The following DPYD variants were observed in gnomAD, a reference collection of about 807,000 sequenced individuals.
DPYD encodes the protein dihydropyrimidine dehydrogenase.
DPYD carries 109 observed loss-of-function variants against 116.2 expected under a neutral mutation model. That is an observed-to-expected ratio of 0.94 (90% CI 0.80 to 1.10). The LOEUF (loss-of-function observed/expected upper bound fraction) is 1.10, where lower values mean the gene tolerates loss of function less well. DPYD is among the 50% of genes least tolerant of loss of function. The pLI, the probability that DPYD is intolerant of heterozygous loss-of-function variation, is 0.00. For synonymous variants in DPYD, 440 were observed against 432.0 expected, an observed-to-expected ratio of 1.02 and a Z score of -0.23; for missense variants, 1,302 against 1,254.5, an observed-to-expected ratio of 1.04 and a Z score of -0.57.
intron 2 of DPYD, among the ~76,000 whole-genome samples, chr1:97,845,128 G>A (rs1051316586): frequency 2.6e-5 from 4 of 152,304 alleles, no homozygotes; most frequent in African/African-American, 9.6e-5. Flanking sequence ...GCAATACGCA[G>A]ACAGCCTCAA....
chr1:97,751,429 C>CGTGTGTGTGTGT (rs564067118), intron 3 of DPYD, among the ~76,000 whole-genome samples: 7 of 53,064 alleles, frequency 1.3e-4, no homozygotes, highest in Non-Finnish European at 2.3e-4. Context: ...TATATGTATA[C>CGTGTGTGTGTGT]GTGTGTGTGT....
At chr1:97,631,044 A>G (rs541427445) in intron 8 of DPYD, among the ~76,000 whole-genome samples, 1 of 152,270 alleles carries the variant, frequency 6.6e-6, no homozygotes, top group East Asian at 1.9e-4. Context: ...CAACAAAAAC[A>G]TAAGCACGTA....
At position 97,318,419 on chromosome 1, in the gene DPYD, G is replaced by A. The variant is rs572328592; in HGVS notation, c.2059-12122C>T. ...AGCAAATGGAAAAGAAAAAAAGGCA[G>A]GGGTTGCAATCCTAGTCTCTGATAA... On this transcript the variant is annotated intron_variant, in intron 16 of 22. Transcript: ENST00000370192. 1.1e-4 allele frequency among the ~76,000 whole-genome samples: 16 copies of A among 148,090 alleles called. No homozygotes were observed. In the East Asian group the frequency reaches 1.2e-3, roughly 11 times the overall value.
In DPYD at chr1:97,078,077, T is replaced by C. The variant is rs1447444925; in HGVS notation, c.*899A>G. On this transcript the variant is annotated 3_prime_UTR_variant, in exon 23 of 23. Coordinates refer to ENST00000370192, the MANE Select transcript of DPYD (RefSeq NM_000110.4). ...AGTCAAACTGATTTGGCACACTTAA[T>C]ATATATTATCAACATTATATTTTTC... 1 of 152,210 alleles carries C rather than the reference T, an allele frequency of 6.6e-6. No homozygotes were observed. Among genetic ancestry groups the C allele is most frequent in the Non-Finnish European group, 1.5e-5 (1 of 68,024 alleles). The allele number at this position is 152,210 out of a possible 1,614,324, so 9.4% of individuals were successfully genotyped here.
chr1:97,573,690 A>C (rs1328328117), intron 11 of DPYD, 70 bp downstream of exon 11: 1 of 1,583,852 alleles, frequency 6.3e-7, no homozygotes, highest in Non-Finnish European at 8.7e-7. Flanking sequence ...AATTCCCTGA[A>C]AGCTAGAAAC....
intron 12 of DPYD, among the ~76,000 whole-genome samples, chr1:97,542,978 T>C (rs998085886): frequency 6.6e-6 from 1 of 152,174 alleles, no homozygotes; most frequent in African/African-American, 2.4e-5. Flanking sequence ...GTTTTAACAA[T>C]ACAAGGTGAA....
At chr1:97,306,142 C>T (rs1553251898) in intron 17 of DPYD, 35 bp downstream of exon 17, 9 of 1,611,316 alleles carry the variant, frequency 5.6e-6, no homozygotes, top group Admixed American at 1.7e-5. Context: ...CCAATATTTA[C>T]AATAGCGGGC....
At chr1:97,600,633 C>G (rs1655190770) in intron 8 of DPYD, among the ~76,000 whole-genome samples, 1 of 152,108 alleles carries the variant, frequency 6.6e-6, no homozygotes, top group African/African-American at 2.4e-5. Flanking sequence ...TTCTGGGCAA[C>G]AGCTTCCTCA....
chr1:97,751,460 G>GTATATATATATATATATATATATA (rs1553233231), intron 3 of DPYD, among the ~76,000 whole-genome samples: 2 of 21,272 alleles, frequency 9.4e-5, no homozygotes, highest in African/African-American at 1.7e-4. Flanking sequence ...GTGTGTGTGT[G>GTATATATATATATATATATATATA]TATATATATA....
At chr1:97,416,600 T>C (rs969619607) in intron 14 of DPYD, among the ~76,000 whole-genome samples, 1 of 152,214 alleles carries the variant, frequency 6.6e-6, no homozygotes, top group Non-Finnish European at 1.5e-5. Flanking sequence ...AGTATTTCTG[T>C]GGTAGTCAGC....
intron 3 of DPYD, among the ~76,000 whole-genome samples, chr1:97,751,570 C>G (rs1257181572): frequency 7.0e-6 from 1 of 143,332 alleles, no homozygotes; most frequent in African/African-American, 2.6e-5. Flanking sequence ...TCCATATCAG[C>G]CTGGGCAACA....
chr1:97,260,260 T>C (rs541125343), intron 18 of DPYD, among the ~76,000 whole-genome samples: 6 of 152,132 alleles, frequency 3.9e-5, no homozygotes, highest in Non-Finnish European at 7.4e-5. Flanking sequence ...CTTCTTGTTA[T>C]AAAAGAATAC....
chr1:97,353,712 G>A (rs536396580), intron 16 of DPYD, among the ~76,000 whole-genome samples: 1 of 147,556 alleles, frequency 6.8e-6, no homozygotes, highest in East Asian at 2.0e-4. Flanking sequence ...AAAAAAAATA[G>A]AGACCATACA....
chr1:97,093,005 C>T (rs1254345737), intron 21 of DPYD, among the ~76,000 whole-genome samples: 1 of 152,068 alleles, frequency 6.6e-6, no homozygotes, highest in Admixed American at 6.6e-5. Context: ...TTCTCAGTTC[C>T]CCATTCCCTT....
Position 97,723,841 on chromosome 1 carries a change from A to G in DPYD, c.322-2170T>C, listed in dbSNP as rs563509896. 5.9e-5 allele frequency among the ~76,000 whole-genome samples: 9 copies of G among 151,812 alleles called. No homozygotes were observed. In the East Asian group the frequency reaches 1.7e-3, roughly 29 times the overall value. ...TTATATTTACCTCATTAACAAATAC[A>G]GAATAAAGATAGTAAAATCTGAGTC... is the stretch of plus-strand genomic sequence containing the variant. On this transcript the variant is annotated intron_variant, in intron 4 of 22. Transcript: ENST00000370192.
intron 2 of DPYD, among the ~76,000 whole-genome samples, chr1:97,835,752 G>C (rs1430491775): frequency 6.6e-6 from 1 of 151,980 alleles, no homozygotes; most frequent in African/African-American, 2.4e-5. Context: ...ATATATTGTG[G>C]AGTTCTATGT....
At chr1:97,299,791 G>C (rs923709215) in intron 18 of DPYD, among the ~76,000 whole-genome samples, 1 of 152,002 alleles carries the variant, frequency 6.6e-6, no homozygotes, top group Non-Finnish European at 1.5e-5. Context: ...ATTTGTGTAG[G>C]GCAGGTAGCA....
At chr1:97,166,710 G>A (rs1267265655) in intron 20 of DPYD, among the ~76,000 whole-genome samples, 1 of 152,088 alleles carries the variant, frequency 6.6e-6, no homozygotes, top group East Asian at 1.9e-4. Flanking sequence ...GCAGCTGACC[G>A]ACACAGCTAC....
intron 14 of DPYD, among the ~76,000 whole-genome samples, chr1:97,401,176 T>C (rs1375537309): frequency 3.9e-5 from 6 of 152,162 alleles, no homozygotes; most frequent in Non-Finnish European, 8.8e-5. Flanking sequence ...GTTTTCTTAT[T>C]GTTGAGTTTT....
Sources: allele counts gnomAD v4.1 joint callset (sites outside exome capture counted in the v4.1 genomes callset), GRCh38; gene constraint gnomAD v4.1.1; transcripts MANE v1.5; gene names NCBI Gene and HGNC (gene_info 2026-07-23, HGNC 2026-07-21).